MTMR2: variants seen among roughly 807,000 people sequenced by gnomAD.
MTMR2 encodes phosphatidylinositol-3,5-bisphosphate 3-phosphatase MTMR2.
A neutral mutation model predicts 86.9 loss-of-function variants in MTMR2; 55 were observed. The ratio of observed to expected loss-of-function variants is 0.63; its 90% confidence interval spans 0.51 to 0.79. The LOEUF is 0.79. MTMR2 is among the 30% of genes least tolerant of loss of function. The pLI is 0.00. For missense variants in MTMR2, 659 were observed against 772.3 expected, an observed-to-expected ratio of 0.85 and a Z score of 1.74; for synonymous variants, 241 against 266.8, an observed-to-expected ratio of 0.90 and a Z score of 0.94.
intron 1 of MTMR2, among the ~76,000 whole-genome samples, chr11:95,923,081 A>G (rs1866989466): frequency 6.6e-6 from 1 of 152,182 alleles, no homozygotes; most frequent in Non-Finnish European, 1.5e-5. Flanking sequence ...CTGCATCCAA[A>G]ACGCGTCTAG....
At chr11:95,877,967 T>C (rs562004173) in intron 2 of MTMR2, among the ~76,000 whole-genome samples, 1 of 151,966 alleles carries the variant, frequency 6.6e-6, no homozygotes, top group South Asian at 2.1e-4. Flanking sequence ...AAGAAACGAA[T>C]GCCTAATATC....
Position 95,862,083 on chromosome 11 carries a change from T to C in MTMR2, c.377A>G (p.Asp126Gly). ...SMERDPPFVL[D>G]ASLGVINRVE... ...TCTATTTATCACACCAAGGGAAGCA[T>C]CTAAAACAAATGGGGGATCCTAAAG... is the stretch of plus-strand genomic sequence containing the variant. The change falls in exon 5 of 15, where the codon GAT (aspartate) becomes GGT (glycine). Residue 126 changes from aspartate (D) to glycine (G), a missense_variant. This residue lies in a region of MTMR2 where 387 missense variants were observed against 526.3 expected (regional missense o/e 0.74). Coordinates refer to ENST00000346299, the MANE Select transcript of MTMR2 (RefSeq NM_016156.6). The C allele has an allele frequency of 1.9e-6, 3 of 1,613,688 alleles. No homozygotes were observed. The highest frequency in any genetic ancestry group is 2.5e-6 in the Non-Finnish European group (3 of 1,179,796).
intron 8 of MTMR2, among the ~76,000 whole-genome samples, 187 bp downstream of exon 8, chr11:95,850,413 T>A (rs1341632160): frequency 6.6e-6 from 1 of 152,184 alleles, no homozygotes; most frequent in South Asian, 2.1e-4. Flanking sequence ...CATATCACAC[T>A]CTCTGGAAGC....
chr11:95,886,327 G>C (rs1291528485), intron 2 of MTMR2, among the ~76,000 whole-genome samples: 2 of 152,118 alleles, frequency 1.3e-5, no homozygotes, highest in Non-Finnish European at 2.9e-5. Context: ...ATCTAAAACT[G>C]TTCTAAAATT....
rs769693714 is a variant in MTMR2, at chr11:95,845,000, C to T, written c.1339G>A (p.Val447Ile). ...CTTAGCCATTCTTTCTCCACAAGGA[C>T]TTCAAATCCTCGGATGGTTCGATAG... The part of the protein sequence containing the change: ...GYYRTIRGFE[V>I]LVEKEWLSFG... Residue 447 changes from valine (V) to isoleucine (I), a missense_variant, in exon 11 of 15, where the codon GTC becomes ATC. Val to Ile is a conservative substitution (Grantham distance 29). Around this residue, in one of 3 missense-constraint regions of MTMR2, gnomAD observed 387 missense variants for 526.3 expected, o/e 0.74. Transcript: ENST00000346299. 2.5e-6 allele frequency: 4 copies of T among 1,613,962 alleles called. No individual in the cohort carries two copies. The highest frequency in any genetic ancestry group is 8.5e-7 in the Non-Finnish European group (1 of 1,179,882).
At chr11:95,869,149 A>G (rs1201083511) in intron 2 of MTMR2, among the ~76,000 whole-genome samples, 1 of 151,950 alleles carries the variant, frequency 6.6e-6, no homozygotes, top group Non-Finnish European at 1.5e-5. Context: ...TGTTATTAAC[A>G]TGATATTAAT....
In MTMR2 at chr11:95,870,820, T is replaced by G. The variant is rs557602831; in HGVS notation, c.187-5144A>C. Among the ~76,000 whole-genome samples the G allele has an allele frequency of 2.0e-5, 3 of 151,852 alleles. No homozygotes were observed. The East Asian group carries it at 5.8e-4, about 29-fold the overall frequency. ...TTACATATGTATACATGTGCCATGT[T>G]AGTGTGTTGCACCCATTAACTCGTC... On this transcript the variant is annotated intron_variant, in intron 2 of 14. Transcript: ENST00000346299.
At chr11:95,903,897 G>A (rs563041944) in intron 1 of MTMR2, among the ~76,000 whole-genome samples, 8 of 152,014 alleles carry the variant, frequency 5.3e-5, no homozygotes, top group Non-Finnish European at 1.0e-4. Flanking sequence ...GGCGGATCAC[G>A]AGGTCAGGAG....
intron 1 of MTMR2, among the ~76,000 whole-genome samples, chr11:95,910,167 T>C (rs1046964574): frequency 3.3e-5 from 5 of 151,458 alleles, no homozygotes; most frequent in African/African-American, 1.2e-4. Context: ...ATTTTTTATA[T>C]AGTCAATCAG....
At chr11:95,861,891 A>C in intron 5 of MTMR2, 101 bp downstream of exon 5, 1 of 905,196 alleles carries the variant, frequency 1.1e-6, no homozygotes, top group South Asian at 1.5e-5. Context: ...TTCTAATTGG[A>C]AATCCATTTT....
intron 1 of MTMR2, among the ~76,000 whole-genome samples, chr11:95,892,973 CTCAGGCT>C (rs1173924757): frequency 2.0e-5 from 3 of 152,116 alleles, no homozygotes; most frequent in Non-Finnish European, 4.4e-5. Context: ...CAGCTGAACT[CTCAGGCT>C]TCTACATTAC....
chr11:95,895,106 T>G (rs1453771482), intron 1 of MTMR2, among the ~76,000 whole-genome samples: 2 of 150,444 alleles, frequency 1.3e-5, no homozygotes, highest in African/African-American at 2.5e-5. Flanking sequence ...TAAGAGACAT[T>G]ATACCACACA....
intron 1 of MTMR2, among the ~76,000 whole-genome samples, chr11:95,889,494 G>A (rs1317026899): frequency 7.7e-6 from 1 of 130,396 alleles, no homozygotes. Context: ...AGTGCCCCAA[G>A]AACAAAAATT....
intron 1 of MTMR2, among the ~76,000 whole-genome samples, chr11:95,908,592 A>C (rs980293192): frequency 6.6e-6 from 1 of 152,150 alleles, no homozygotes; most frequent in Non-Finnish European, 1.5e-5. Flanking sequence ...TTCAAACTAT[A>C]CTACAAGGCT....
chr11:95,872,405 T>C (rs1175220195), intron 2 of MTMR2, among the ~76,000 whole-genome samples: 1 of 151,918 alleles, frequency 6.6e-6, no homozygotes, highest in Non-Finnish European at 1.5e-5. Flanking sequence ...AGTTCATGAT[T>C]TGGCTGTTTG....
chr11:95,922,640 T>C (rs1866971239), intron 1 of MTMR2, among the ~76,000 whole-genome samples: 1 of 152,052 alleles, frequency 6.6e-6, no homozygotes, highest in Non-Finnish European at 1.5e-5. Flanking sequence ...ATGATTAAGA[T>C]TGCCCTCAAG....
intron 1 of MTMR2, among the ~76,000 whole-genome samples, chr11:95,915,634 C>T (rs1866669210): frequency 6.6e-6 from 1 of 152,082 alleles, no homozygotes; most frequent in Non-Finnish European, 1.5e-5. Flanking sequence ...AAATGGTCAG[C>T]TTTATTTATT....
intron 1 of MTMR2, among the ~76,000 whole-genome samples, chr11:95,891,660 A>C (rs572323282): frequency 9.8e-5 from 15 of 152,308 alleles, no homozygotes; most frequent in African/African-American, 3.4e-4. Flanking sequence ...ACATAGGTAG[A>C]TATTATGATC....
At chr11:95,855,056 C>A (rs541767976) in intron 7 of MTMR2, among the ~76,000 whole-genome samples, 4 of 151,966 alleles carry the variant, frequency 2.6e-5, no homozygotes, top group African/African-American at 9.7e-5. Flanking sequence ...GCAATCCTCC[C>A]ACCTTGGCCT....
Sources: gnomAD v4.1 joint callset for allele counts (sites outside exome capture counted in the v4.1 genomes callset) on GRCh38, gnomAD v4.1.1 for gene constraint, gnomAD v4.1.1 regional missense constraint, MANE v1.5 for transcripts, NCBI Gene and HGNC (gene_info 2026-07-23, HGNC 2026-07-21) for gene names.